Variants in TMEM175 observed in about 807,000 individuals in gnomAD.
The protein encoded by TMEM175 is transmembrane protein 175, also known as endosomal/lysosomal proton channel TMEM175.
In TMEM175, 36 loss-of-function variants were observed where a neutral mutation model predicts 36.5. That is an observed-to-expected ratio of 0.99 (90% CI 0.76 to 1.30). TMEM175 has a LOEUF of 1.30. Ranked by LOEUF, TMEM175 falls within the 50% of genes most tolerant of loss-of-function variation. TMEM175 has a pLI of 0.00. For missense variants in TMEM175, 705 were observed against 692.8 expected (o/e 1.02, Z -0.20); for synonymous variants, 339 against 313.4 (o/e 1.08, Z -0.86).
chr4:956,419 C>T (rs1439326804), intron 10 of TMEM175: 4 of 1,286,106 alleles, frequency 3.1e-6, no homozygotes, highest in East Asian at 5.6e-5. Flanking sequence ...TCGTCTCAGT[C>T]GTCACGTTTT....
intron 3 of TMEM175, among the ~76,000 whole-genome samples, chr4:949,865 G>A (rs1301173100): frequency 6.6e-6 from 1 of 151,354 alleles, no homozygotes; most frequent in Non-Finnish European, 1.5e-5. Flanking sequence ...CTTTTGTGCT[G>A]TCAACCTGTG....
chr4:948,487 G>A, intron 3 of TMEM175: 1 of 1,437,576 alleles, frequency 7.0e-7, no homozygotes. Context: ...CCCAAGGACA[G>A]AAGTTTCCTC....
At position 955,427 on chromosome 4, in the gene TMEM175, T is replaced by C. The variant is rs772730694; in HGVS notation, c.650T>C (p.Val217Ala). 1 of 1,614,160 alleles carries C rather than the reference T, an allele frequency of 6.2e-7. No homozygotes were observed. Among genetic ancestry groups the C allele is most frequent in the East Asian group, 2.2e-5 (1 of 44,884 alleles). The change falls in exon 9 of 11, where the codon GTC becomes GCC. Residue 217 changes from valine (V) to alanine (A), a missense_variant. Coordinates refer to ENST00000264771, the MANE Select transcript of TMEM175 (RefSeq NM_032326.4). ...VPLSYLLMVT[V>A]ILLPYVSKVT... ...CAGTCTTACCTGCTGATGGTGACTG[T>C]CATCCTCCTCCCCTATGTCAGCAAG...
chr4:937,841 C>G (rs1726964788), intron 1 of TMEM175, among the ~76,000 whole-genome samples: 1 of 152,142 alleles, frequency 6.6e-6, no homozygotes, highest in Admixed American at 6.5e-5. Context: ...GGATAGTACA[C>G]CGTGACCGAG....
intron 5 of TMEM175, 28 bp from the exon 6 acceptor site, chr4:951,654 A>C: frequency 6.2e-7 from 1 of 1,613,802 alleles, no homozygotes; most frequent in South Asian, 1.1e-5. Flanking sequence ...AGGCCGCATC[A>C]TGGCTGTGAT....
chr4:957,841 A>AC lies in TMEM175; in HGVS notation c.864dup (p.Lys289GlnfsTer84). 6 of 1,610,088 alleles carry AC rather than the reference A, an allele frequency of 3.7e-6. No homozygotes were observed. The Admixed American group carries it at 1.0e-4, about 27-fold the overall frequency. ...GTTCTCAGCGAAGACAACGTCCCGGACCCCAAGGATGTGAAGGAGAGGTTC... is the reference window on the plus strand; with the variant it reads ...GTTCTCAGCGAAGACAACGTCCCGGACCCCCAAGGATGTGAAGGAGAGGTTC... On this transcript the variant is annotated frameshift_variant, in exon 11 of 11. Transcript: ENST00000264771. LOFTEE classifies it low-confidence loss of function (END_TRUNC).
At position 957,894 on chromosome 4, in the gene TMEM175, G is replaced by A. The variant is rs200254468; in HGVS notation, c.913G>A (p.Ala305Thr). The A allele has an allele frequency of 1.1e-5, 18 of 1,612,708 alleles. No homozygotes were observed. The highest frequency in any genetic ancestry group is 2.7e-5 in the African/African-American group (2 of 74,938). The change falls in exon 11 of 11, where the codon GCG (alanine) becomes ACG (threonine). Residue 305 changes from alanine to threonine, a missense_variant. Physicochemically the swap from Ala to Thr is moderately conservative, Grantham distance 58 (BLOSUM62 0). Coordinates refer to ENST00000264771, the MANE Select transcript of TMEM175 (RefSeq NM_032326.4). ...CGGCAGCCTCGTGGCCGCCCTGAGTGCGACCGGGCCGCGCTTCCTGGCGTA... is the reference window on the plus strand; with the variant it reads ...CGGCAGCCTCGTGGCCGCCCTGAGTACGACCGGGCCGCGCTTCCTGGCGTA... The part of the protein sequence containing the change: ...FSGSLVAALS[A>T]TGPRFLAYFG...
intron 3 of TMEM175, among the ~76,000 whole-genome samples, chr4:950,194 G>A (rs1332859771): frequency 2.6e-5 from 4 of 152,090 alleles, no homozygotes; most frequent in African/African-American, 9.7e-5. Flanking sequence ...GGTGGGGGCT[G>A]CAGGTGCCAG....
rs760815695 is a variant in TMEM175 at position 957,902 on chromosome 4, G to A, written c.921G>A (p.Gly307=). 18 of 1,612,738 alleles carry A rather than the reference G, an allele frequency of 1.1e-5. No individual in the cohort carries two copies. The highest frequency in any genetic ancestry group is 8.0e-5 in the African/African-American group (6 of 74,952). The change falls in exon 11 of 11, where the codon GGG becomes GGA. Residue 307 remains glycine, a synonymous_variant. Transcript: ENST00000264771. The stretch of plus-strand genomic sequence containing the variant: ...TCGTGGCCGCCCTGAGTGCGACCGG[G>A]CCGCGCTTCCTGGCGTACTTCGGCT... The part of the protein sequence containing the change: ...GSLVAALSAT[G]PRFLAYFGSF...
chr4:956,148 A>G, intron 10 of TMEM175: 1 of 675,568 alleles, frequency 1.5e-6, no homozygotes, highest in Non-Finnish European at 2.3e-6. Flanking sequence ...TGCCAGGGTG[A>G]GGTCAGCACC....
chr4:950,555 T>C, intron 4 of TMEM175, 37 bp downstream of exon 4: 1 of 1,511,176 alleles, frequency 6.6e-7, no homozygotes, highest in East Asian at 2.3e-5. Flanking sequence ...CCATAGCTGC[T>C]CTCAAGGTTC....
chr4:956,516 C>G, intron 10 of TMEM175: 1 of 1,214,712 alleles, frequency 8.2e-7, no homozygotes, highest in Non-Finnish European at 1.1e-6. Context: ...AAGCTCAGCT[C>G]ACTGCAACCT....
chr4:939,954 A>G (rs557019473), intron 1 of TMEM175, among the ~76,000 whole-genome samples: 11 of 152,342 alleles, frequency 7.2e-5, no homozygotes, highest in Admixed American at 2.0e-4. Context: ...GCCCATATGA[A>G]CAATAGGTGA....
chr4:950,216 C>T (rs771668488), intron 3 of TMEM175, among the ~76,000 whole-genome samples: 2 of 152,034 alleles, frequency 1.3e-5, no homozygotes, highest in African/African-American at 4.8e-5. Context: ...GGAGACAGAC[C>T]AGCTGGAGAC....
intron 1 of TMEM175, among the ~76,000 whole-genome samples, chr4:934,076 A>G (rs896586523): frequency 1.1e-4 from 16 of 152,262 alleles, no homozygotes; most frequent in African/African-American, 3.9e-4. Flanking sequence ...CCAACAAGTG[A>G]TACAACTGCA....
At chr4:936,739 A>C (rs1726829464) in intron 1 of TMEM175, among the ~76,000 whole-genome samples, 1 of 152,120 alleles carries the variant, frequency 6.6e-6, no homozygotes, top group African/African-American at 2.4e-5. Context: ...GTGGATCACA[A>C]GGTCAGGAGA....
At chr4:952,280 G>C in intron 6 of TMEM175, 87 bp from the exon 7 acceptor site, 1 of 1,187,390 alleles carries the variant, frequency 8.4e-7, no homozygotes, top group Non-Finnish European at 1.2e-6. Flanking sequence ...CCCGTGGAGT[G>C]GGGAGGCTCA....
rs916865139 is a variant in TMEM175, at chr4:955,802, C to A, written c.754C>A (p.Leu252Ile). The part of the protein sequence containing the change: ...AHPVEVFSFD[L>I]HEPLSKERVE... Reference sequence around the variant, plus strand: ...CCCAGTGGAAGTCTTCTCGTTTGACCTCCACGAGCCACTCAGCAAGGAGCG... The same window carrying A: ...CCCAGTGGAAGTCTTCTCGTTTGACATCCACGAGCCACTCAGCAAGGAGCG... Residue 252 changes from leucine (L) to isoleucine (I), a missense_variant, in exon 10 of 11, where the codon CTC becomes ATC. Leu to Ile is a conservative substitution (Grantham distance 5). Transcript: ENST00000264771. 6.2e-7 allele frequency: 1 copy of A among 1,613,648 alleles called. No individual in the cohort carries two copies. The highest frequency in any genetic ancestry group is 1.7e-5 in the Admixed American group (1 of 59,992).
At chr4:957,484 C>T (rs1013416838) in intron 10 of TMEM175, among the ~76,000 whole-genome samples, 4 of 152,226 alleles carry the variant, frequency 2.6e-5, no homozygotes, top group African/African-American at 7.2e-5. Context: ...CGCTGCCCCA[C>T]AGCAGGCTGG....
Sources: gnomAD v4.1 joint callset for allele counts (sites outside exome capture counted in the v4.1 genomes callset) on GRCh38, gnomAD v4.1.1 for gene constraint, MANE v1.5 for transcripts, NCBI Gene and HGNC (gene_info 2026-07-23, HGNC 2026-07-21) for gene names.